MAP3K13: variants seen among roughly 807,000 people sequenced by gnomAD.
MAP3K13 encodes the protein leucine zipper-bearing kinase.
A neutral mutation model predicts 104.0 loss-of-function variants in MAP3K13; 52 were observed. The ratio of observed to expected loss-of-function variants is 0.50; its 90% confidence interval spans 0.40 to 0.63. The LOEUF (loss-of-function observed/expected upper bound fraction) is 0.63, where lower values mean the gene tolerates loss of function less well. MAP3K13 is among the 20% of genes least tolerant of loss of function. The probability of loss-of-function intolerance (pLI) is 0.00; values close to 1 mark genes in which losing one functional copy is unlikely to be tolerated. For synonymous variants in MAP3K13, 394 were observed against 442.2 expected, an observed-to-expected ratio of 0.89 and a Z score of 1.37; for missense variants, 914 against 1,218.5, an observed-to-expected ratio of 0.75 and a Z score of 3.72.
chr3:185,428,797 A>C lies in MAP3K13; in HGVS notation c.216A>C (p.Val72=), dbSNP rs1204377660. ...TCACCACAACAGTGTTGACGAGCGT[A>C]AGTGAGGATTCCAGGGACCAGTTTG... ...SPVTTTVLTS[V]SEDSRDQFEN... Residue 72 remains valine, a synonymous_variant, in exon 2 of 14, where the codon GTA becomes GTC. Transcript: ENST00000265026. 6.2e-7 allele frequency: 1 copy of C among 1,614,040 alleles called. No individual in the cohort carries two copies. Among genetic ancestry groups the C allele is most frequent in the Non-Finnish European group, 8.5e-7 (1 of 1,180,028 alleles).
chr3:185,467,069 T>A, intron 10 of MAP3K13, 106 bp downstream of exon 10: 1 of 1,287,432 alleles, frequency 7.8e-7, no homozygotes, highest in Non-Finnish European at 1.1e-6. Flanking sequence ...GCTCATCAGA[T>A]GACTGTAGAG....
rs2148936803 is a variant in MAP3K13 at position 185,488,604 on chromosome 3, G to A, written c.*6148G>A. 1 of 152,444 alleles carries A rather than the reference G, an allele frequency of 6.6e-6. No homozygotes were observed. Among genetic ancestry groups the A allele is most frequent in the East Asian group, 1.9e-4 (1 of 5,190 alleles). 9.4% of individuals were successfully genotyped at this position (152,444 alleles called of 1,614,324 possible). ...AAGCAGATGGCAAGGCCACTGTAAG[G>A]AAGCTCCCGGCAGCATCCCAGGTCT... On this transcript the variant is annotated 3_prime_UTR_variant, in exon 14 of 14. Transcript: ENST00000265026.
At chr3:185,355,900 T>C (rs746952075) in intron 2 of MAP3K13, among the ~76,000 whole-genome samples, 1 of 152,226 alleles carries the variant, frequency 6.6e-6, no homozygotes, top group Non-Finnish European at 1.5e-5. Context: ...ATAACTAACA[T>C]TGTTTACCAT....
At chr3:185,443,345 T>A (rs1715425946) in intron 3 of MAP3K13, 100 bp from the exon 4 acceptor site, 1 of 770,254 alleles carries the variant, frequency 1.3e-6, no homozygotes, top group African/African-American at 1.7e-5. Flanking sequence ...ATTTTTAAAA[T>A]AATTCGGGTA....
chr3:185,317,000 TG>T (rs1721701952), intron 2 of MAP3K13, among the ~76,000 whole-genome samples: 1 of 152,188 alleles, frequency 6.6e-6, no homozygotes, highest in Non-Finnish European at 1.5e-5. Context: ...TATAAAATAG[TG>T]TATTGAAATA....
intron 11 of MAP3K13, among the ~76,000 whole-genome samples, chr3:185,474,340 C>A (rs1345281021): frequency 1.3e-5 from 2 of 151,938 alleles, no homozygotes; most frequent in African/African-American, 2.4e-5. Context: ...AACAAACAAA[C>A]AAAAAAACTA....
At chr3:185,478,290 G>A (rs1327748391) in intron 12 of MAP3K13, among the ~76,000 whole-genome samples, 9 of 152,076 alleles carry the variant, frequency 5.9e-5, no homozygotes, top group Admixed American at 5.9e-4. Context: ...CTACCAAGAG[G>A]TCTTTTTCTG....
Position 185,459,448 on chromosome 3 carries a change from A to T in MAP3K13, c.1279-4102A>T, listed in dbSNP as rs148310171. The stretch of plus-strand genomic sequence containing the variant: ...TATAAAATTTGCCATTTTAACCATT[A>T]AAAAAAATTTTTTTTTGAGACAGAG... On this transcript the variant is annotated intron_variant, in intron 7 of 13. Coordinates refer to ENST00000265026, the MANE Select transcript of MAP3K13 (RefSeq NM_004721.5). 4.0e-3 allele frequency among the ~76,000 whole-genome samples: 606 copies of T among 152,110 alleles called. 3 individuals carry two copies. The highest frequency in any genetic ancestry group is 0.014 in the African/African-American group (564 of 41,498).
rs1427978112 is a variant in MAP3K13 at position 185,454,883 on chromosome 3, GAT to G, written c.1278+3497_1278+3498del. ...TGATATATATATGAGATATATATAT[GAT>G]ATATATATGAGATATATATATGATA... On this transcript the variant is annotated intron_variant, in intron 7 of 13. Transcript: ENST00000265026. Among the ~76,000 whole-genome samples, 71 of 25,660 alleles carry G rather than the reference GAT, an allele frequency of 2.8e-3. 6 individuals are homozygous for G. Among genetic ancestry groups the G allele is most frequent in the African/African-American group, 6.0e-3 (63 of 10,464 alleles). The allele number at this position is 25,660 out of a possible 152,430, so 16.8% of individuals were successfully genotyped here.
rs1713930774 is a variant in MAP3K13 at position 185,418,507 on chromosome 3, G to A, written c.-85-9990G>A. The A allele has an allele frequency of 6.2e-7, 1 of 1,612,054 alleles. No homozygotes were observed. The highest frequency in any genetic ancestry group is 8.5e-7 in the Non-Finnish European group (1 of 1,179,864). ...GCCTCCACGACACATGTTTCCAAAAGCACCCTGGCCAGAGCGGTGAGTCCC... is the reference window on the plus strand; with the variant it reads ...GCCTCCACGACACATGTTTCCAAAAACACCCTGGCCAGAGCGGTGAGTCCC... On this transcript the variant is annotated intron_variant, in intron 1 of 13. Transcript: ENST00000265026. The surrounding 1 kb of genome is among the most constrained non-coding windows in gnomAD (Gnocchi z 4.5).
intron 7 of MAP3K13, 73 bp from the exon 8 acceptor site, chr3:185,463,477 G>A: frequency 1.2e-6 from 1 of 829,360 alleles, no homozygotes; most frequent in Non-Finnish European, 2.0e-6. Context: ...AAAAAATCTT[G>A]TACGTGACTT....
intron 2 of MAP3K13, among the ~76,000 whole-genome samples, chr3:185,312,027 G>A (rs1259909651): frequency 6.6e-6 from 1 of 152,216 alleles, no homozygotes; most frequent in Non-Finnish European, 1.5e-5. Flanking sequence ...ATGTTATTTA[G>A]AAAGGCATTG....
chr3:185,325,360 A>G (rs1013934079), intron 2 of MAP3K13, among the ~76,000 whole-genome samples: 9 of 152,174 alleles, frequency 5.9e-5, no homozygotes, highest in Non-Finnish European at 8.8e-5. Flanking sequence ...TCTCATTTTG[A>G]GATCCTTAGT....
intron 4 of MAP3K13, among the ~76,000 whole-genome samples, chr3:185,444,687 T>C (rs1041870864): frequency 7.9e-5 from 12 of 152,230 alleles, no homozygotes; most frequent in Admixed American, 7.9e-4. Context: ...AAATGATTTA[T>C]TTCAGTATAA....
rs1304250548 is a variant in MAP3K13, at chr3:185,450,639, A to G, written c.1169+581A>G. On this transcript the variant is annotated intron_variant, in intron 6 of 13. Coordinates refer to ENST00000265026, the MANE Select transcript of MAP3K13 (RefSeq NM_004721.5). The surrounding 1 kb of genome is among the most constrained non-coding windows in gnomAD (Gnocchi z 4.2). Reference sequence around the variant, plus strand: ...TAAAATAAAATAAAATATAAATAAAAAACTGTACTGCAGGGCCAGGCATGG... The same window carrying G: ...TAAAATAAAATAAAATATAAATAAAGAACTGTACTGCAGGGCCAGGCATGG... Among the ~76,000 whole-genome samples the G allele has an allele frequency of 6.6e-6, 1 of 151,948 alleles. No individual in the cohort carries two copies. Among genetic ancestry groups the G allele is most frequent in the Non-Finnish European group, 1.5e-5 (1 of 67,980 alleles).
At chr3:185,332,167 T>C (rs1357545694) in intron 2 of MAP3K13, among the ~76,000 whole-genome samples, 1 of 152,116 alleles carries the variant, frequency 6.6e-6, no homozygotes, top group Non-Finnish European at 1.5e-5. Context: ...AATTACTGGA[T>C]CAAAAGGTAT....
At chr3:185,380,714 A>G (rs1724675939) in intron 1 of MAP3K13, among the ~76,000 whole-genome samples, 1 of 152,160 alleles carries the variant, frequency 6.6e-6, no homozygotes, top group Non-Finnish European at 1.5e-5. Context: ...ATTTTGCTAA[A>G]AAAACAAATT....
chr3:185,306,729 G>T (rs900413720), intron 2 of MAP3K13, among the ~76,000 whole-genome samples: 4 of 152,096 alleles, frequency 2.6e-5, no homozygotes, highest in African/African-American at 7.2e-5. Flanking sequence ...CATTCTGTAG[G>T]TTGTCTTTTT....
intron 4 of MAP3K13, among the ~76,000 whole-genome samples, chr3:185,445,018 A>G (rs1454638592): frequency 1.4e-5 from 1 of 73,482 alleles, no homozygotes; most frequent in East Asian, 4.9e-4. Context: ...CTATATATTT[A>G]TTGTATATAC....
Sources: gnomAD v4.1 joint callset for allele counts (sites outside exome capture counted in the v4.1 genomes callset) on GRCh38, gnomAD v4.1.1 for gene constraint, Gnocchi (gnomAD v3.1) non-coding constraint, MANE v1.5 for transcripts, NCBI Gene and HGNC (gene_info 2026-07-23, HGNC 2026-07-21) for gene names.